Variants in CTNNA2 observed in about 807,000 individuals in gnomAD.
CTNNA2 encodes the protein catenin alpha-2.
Under a neutral mutation model 101.0 loss-of-function variants are expected in CTNNA2, and 42 were observed. The observed-to-expected ratio is 0.42, with a 90% confidence interval of 0.32 to 0.54. The LOEUF is 0.54. Ranked by LOEUF, CTNNA2 falls within the 20% of genes least tolerant of loss-of-function variation. The probability of loss-of-function intolerance (pLI) is 0.14; values close to 1 mark genes in which losing one functional copy is unlikely to be tolerated. For missense variants in CTNNA2, 871 were observed against 1,223.1 expected, an observed-to-expected ratio of 0.71 and a Z score of 4.29; for synonymous variants, 450 against 456.4, an observed-to-expected ratio of 0.99 and a Z score of 0.18.
chr2:79,985,601 A>C (rs1300810219), intron 7 of CTNNA2, among the ~76,000 whole-genome samples: 1 of 152,230 alleles, frequency 6.6e-6, no homozygotes, highest in Non-Finnish European at 1.5e-5. Flanking sequence ...GGGGTAAAGC[A>C]AATGTTGTCA....
intron 1 of CTNNA2, among the ~76,000 whole-genome samples, chr2:79,611,126 T>G (rs1678244320): frequency 6.6e-6 from 1 of 152,156 alleles, no homozygotes; most frequent in African/African-American, 2.4e-5. Flanking sequence ...AATCATTTAC[T>G]CTAAAACACA....
intron 7 of CTNNA2, among the ~76,000 whole-genome samples, chr2:80,311,873 AT>A (rs1250042891): frequency 6.6e-6 from 1 of 152,222 alleles, no homozygotes; most frequent in Non-Finnish European, 1.5e-5. Flanking sequence ...TGCAGTTTAT[AT>A]TGCATTTGAC....
intron 7 of CTNNA2, among the ~76,000 whole-genome samples, chr2:79,991,114 C>G (rs927368883): frequency 6.6e-6 from 1 of 151,922 alleles, no homozygotes; most frequent in Non-Finnish European, 1.5e-5. Context: ...TGGGATCGGT[C>G]GTGATATCCC....
intron 2 of CTNNA2, among the ~76,000 whole-genome samples, chr2:79,236,838 A>G (rs1326997445): frequency 6.6e-6 from 1 of 152,206 alleles, no homozygotes; most frequent in Non-Finnish European, 1.5e-5. Flanking sequence ...TCACATCTTC[A>G]GGCTCCATTT....
intron 7 of CTNNA2, among the ~76,000 whole-genome samples, chr2:80,071,220 G>GA (rs958966582): frequency 4.6e-5 from 7 of 152,024 alleles, no homozygotes; most frequent in African/African-American, 1.7e-4. Context: ...ATCATAGAAA[G>GA]AAAAAAAGTT....
chr2:80,593,236 T>C (rs887159953), intron 15 of CTNNA2, among the ~76,000 whole-genome samples: 1 of 152,122 alleles, frequency 6.6e-6, no homozygotes, highest in Non-Finnish European at 1.5e-5. Context: ...AATTTTAAAA[T>C]GGGGAGATAC....
chr2:80,110,784 A>T (rs923322251), intron 7 of CTNNA2, among the ~76,000 whole-genome samples: 4 of 152,324 alleles, frequency 2.6e-5, no homozygotes, highest in Admixed American at 1.3e-4. Context: ...AACTTGGTGG[A>T]TATTAACTGA....
chr2:79,238,715 G>T (rs570611383), intron 2 of CTNNA2, among the ~76,000 whole-genome samples: 1 of 152,272 alleles, frequency 6.6e-6, no homozygotes, highest in African/African-American at 2.4e-5. Context: ...GTAATGATTT[G>T]ACTTACCATT....
At chr2:80,630,601 C>T (rs1249209248) in intron 18 of CTNNA2, among the ~76,000 whole-genome samples, 22 of 152,068 alleles carry the variant, frequency 1.4e-4, no homozygotes, top group African/African-American at 4.3e-4. Flanking sequence ...TGCGCCGCTA[C>T]ACTCCAGCCT....
intron 7 of CTNNA2, among the ~76,000 whole-genome samples, chr2:80,123,847 G>T (rs1701978774): frequency 6.6e-6 from 1 of 152,066 alleles, no homozygotes; most frequent in Admixed American, 6.6e-5. Flanking sequence ...GCTTGTGATG[G>T]TGGCTACCTT....
At chr2:79,489,131 A>C (rs1671185744) in intron 4 of CTNNA2, among the ~76,000 whole-genome samples, 1 of 151,914 alleles carries the variant, frequency 6.6e-6, no homozygotes, top group South Asian at 2.1e-4. Context: ...TGTTCTCTTA[A>C]ACATAATCAT....
chr2:80,056,735 A>G (rs1050490420), intron 7 of CTNNA2, among the ~76,000 whole-genome samples: 3 of 152,322 alleles, frequency 2.0e-5, no homozygotes, highest in South Asian at 2.1e-4. Context: ...CTATGAAAGT[A>G]TCAAGAGACA....
intron 7 of CTNNA2, among the ~76,000 whole-genome samples, chr2:80,097,381 A>T (rs1038171646): frequency 6.6e-6 from 1 of 152,154 alleles, no homozygotes; most frequent in Non-Finnish European, 1.5e-5. Flanking sequence ...ATCAGCTGTT[A>T]GTCTGATGGG....
At chr2:80,585,001 C>CTTATAT (rs74852223) in intron 14 of CTNNA2, among the ~76,000 whole-genome samples, 10,409 of 152,134 alleles carry the variant, frequency 0.068, 611 homozygotes, top group African/African-American at 0.16. Context: ...TCCTTAACTA[C>CTTATAT]TTATTATACT....
At chr2:79,311,571 C>A (rs1175320993) in intron 2 of CTNNA2, among the ~76,000 whole-genome samples, 1 of 152,094 alleles carries the variant, frequency 6.6e-6, no homozygotes, top group Non-Finnish European at 1.5e-5. Context: ...CCCCCGGTGA[C>A]AGTCGCTTAA....
intron 1 of CTNNA2, among the ~76,000 whole-genome samples, chr2:79,569,888 CAT>C (rs1350298863): frequency 6.6e-6 from 1 of 152,130 alleles, no homozygotes; most frequent in East Asian, 1.9e-4. Flanking sequence ...GCTAAACTAA[CAT>C]AGCTAAACTA....
At chr2:80,425,885 A>C (rs942703424) in intron 9 of CTNNA2, among the ~76,000 whole-genome samples, 2 of 152,172 alleles carry the variant, frequency 1.3e-5, no homozygotes, top group Admixed American at 1.3e-4. Context: ...TAGGAAAAAT[A>C]ATATGGGTTC....
intron 13 of CTNNA2, among the ~76,000 whole-genome samples, chr2:80,576,643 A>G (rs909694780): frequency 6.6e-6 from 1 of 151,924 alleles, no homozygotes; most frequent in Non-Finnish European, 1.5e-5. Flanking sequence ...ACTGATCAAT[A>G]CTTAACCTTG....
chr2:80,191,976 G>A (rs1573350673), intron 7 of CTNNA2, among the ~76,000 whole-genome samples: 1 of 152,258 alleles, frequency 6.6e-6, no homozygotes. Context: ...CTAGAAAGTA[G>A]AATTATTCAG....
Sources: allele counts gnomAD v4.1 joint callset (sites outside exome capture counted in the v4.1 genomes callset), GRCh38; gene constraint gnomAD v4.1.1; transcripts MANE v1.5; gene names NCBI Gene and HGNC (gene_info 2026-07-23, HGNC 2026-07-21).